SYT9: variants seen among roughly 807,000 people sequenced by gnomAD.
SYT9 encodes the protein synaptotagmin 9.
Under a neutral mutation model 48.4 loss-of-function variants are expected in SYT9, and 22 were observed. That is an observed-to-expected ratio of 0.45 (90% confidence interval 0.32 to 0.65). The LOEUF is 0.65. Ranked by LOEUF, SYT9 falls within the 30% of genes least tolerant of loss-of-function variation. The probability of loss-of-function intolerance (pLI) is 0.03; values close to 1 mark genes in which losing one functional copy is unlikely to be tolerated. For synonymous variants in SYT9, 265 were observed against 245.0 expected (o/e 1.08, Z -0.76); for missense variants, 577 against 622.0 (o/e 0.93, Z 0.77).
intron 3 of SYT9, among the ~76,000 whole-genome samples, chr11:7,401,830 T>C (rs11041355): frequency 0.19 from 28,618 of 151,634 alleles, 3,935 homozygotes; most frequent in African/African-American, 0.39. Context: ...CTAGTTCTTT[T>C]ATGTTTTATT....
intron 3 of SYT9, among the ~76,000 whole-genome samples, chr11:7,324,246 T>C (rs1215704943): frequency 6.6e-6 from 1 of 151,902 alleles, no homozygotes; most frequent in Non-Finnish European, 1.5e-5. Flanking sequence ...ATTTCTGCCT[T>C]ATTTCTGGTT....
chr11:7,350,336 A>T (rs989840347), intron 3 of SYT9, among the ~76,000 whole-genome samples: 2 of 152,150 alleles, frequency 1.3e-5, no homozygotes, highest in Admixed American at 6.6e-5. Flanking sequence ...TTCAGGCTTG[A>T]GCTATTTGGG....
chr11:7,244,342 C>A (rs1037489164), intron 1 of SYT9, among the ~76,000 whole-genome samples: 1 of 152,134 alleles, frequency 6.6e-6, no homozygotes, highest in Non-Finnish European at 1.5e-5. Flanking sequence ...AATGGTGCAA[C>A]GATAACACAC....
intron 6 of SYT9, among the ~76,000 whole-genome samples, chr11:7,465,243 CCA>C (rs1361527204): frequency 5.3e-5 from 8 of 152,214 alleles, no homozygotes; most frequent in African/African-American, 1.7e-4. Flanking sequence ...GTGTGTGTGC[CCA>C]CACACATGCA....
At chr11:7,274,317 CTTTTTTT>C (rs576480483) in intron 1 of SYT9, among the ~76,000 whole-genome samples, 3 of 125,074 alleles carry the variant, frequency 2.4e-5, no homozygotes, top group Non-Finnish European at 3.3e-5. Context: ...TGAAGTTCAT[CTTTTTTT>C]TTTTTTTTTT....
intron 1 of SYT9, among the ~76,000 whole-genome samples, chr11:7,239,987 T>G (rs1023083715): frequency 6.6e-6 from 1 of 152,066 alleles, no homozygotes; most frequent in African/African-American, 2.4e-5. Flanking sequence ...CATCAGCATA[T>G]AGAAGGAATT....
intron 6 of SYT9, chr11:7,427,749 AT>A (rs1327562206): frequency 6.6e-6 from 1 of 152,230 alleles, no homozygotes; most frequent in Non-Finnish European, 1.5e-5. Flanking sequence ...AAAATAAACT[AT>A]TTTGAATGGT....
At chr11:7,250,290 G>A (rs1158728323), upstream of SYT9, among the ~76,000 whole-genome samples, 1 of 152,062 alleles carries the variant, frequency 6.6e-6, no homozygotes, top group African/African-American at 2.4e-5. Context: ...AATGCCTTTG[G>A]CCTGGTTTAG....
At chr11:7,273,330 C>T (rs67694935) in intron 1 of SYT9, among the ~76,000 whole-genome samples, 257 of 17,964 alleles carry the variant, frequency 0.014, 1 homozygote, top group East Asian at 0.036. Context: ...AGGTTTTTTT[C>T]TTTTGTTAGT....
intron 1 of SYT9, among the ~76,000 whole-genome samples, chr11:7,293,381 C>T (rs553405844): frequency 6.6e-6 from 1 of 152,160 alleles, no homozygotes; most frequent in Admixed American, 6.6e-5. Flanking sequence ...GTTTACCTGG[C>T]TCAGTGTCTT....
chr11:7,245,739 C>T (rs1847783994), intron 1 of SYT9, among the ~76,000 whole-genome samples: 1 of 152,206 alleles, frequency 6.6e-6, no homozygotes, highest in African/African-American at 2.4e-5. Flanking sequence ...GGGGGCCAAA[C>T]TCACCCTTTT....
intron 3 of SYT9, among the ~76,000 whole-genome samples, chr11:7,396,970 A>G (rs1028760621): frequency 2.0e-5 from 3 of 152,082 alleles, no homozygotes; most frequent in Non-Finnish European, 1.5e-5. Context: ...TTTCCACAAT[A>G]TGTTTTGAAG....
At chr11:7,366,189 C>G (rs1458757422) in intron 3 of SYT9, among the ~76,000 whole-genome samples, 1 of 152,222 alleles carries the variant, frequency 6.6e-6, no homozygotes, top group Non-Finnish European at 1.5e-5. Context: ...TCTCTAAGCT[C>G]TGACATACCT....
intron 1 of SYT9, among the ~76,000 whole-genome samples, chr11:7,287,027 C>G (rs937118796): frequency 6.6e-6 from 1 of 152,222 alleles, no homozygotes; most frequent in Non-Finnish European, 1.5e-5. Context: ...CAGCACCTCA[C>G]TCTCTGCGGT....
chr11:7,418,261 G>C, intron 5 of SYT9, 133 bp downstream of exon 5: 1 of 951,364 alleles, frequency 1.1e-6, no homozygotes, highest in Non-Finnish European at 1.6e-6. Flanking sequence ...GCAGTGCATG[G>C]GAAGCACATT....
At chr11:7,351,354 C>A (rs1358697461) in intron 3 of SYT9, among the ~76,000 whole-genome samples, 3 of 152,204 alleles carry the variant, frequency 2.0e-5, no homozygotes, top group African/African-American at 7.2e-5. Context: ...ACAGTCAGTG[C>A]AAGAGGGCCC....
At chr11:7,243,471 C>T (rs1078089) in intron 1 of SYT9, among the ~76,000 whole-genome samples, 5 of 152,052 alleles carry the variant, frequency 3.3e-5, no homozygotes, top group African/African-American at 9.6e-5. Flanking sequence ...TCTTTCTCCC[C>T]CTTCTGCCTC....
Position 7,468,927 on chromosome 11 carries a change from G to A in SYT9, c.*2127G>A, listed in dbSNP as rs1350224760. 6.6e-6 allele frequency: 1 copy of A among 152,200 alleles called. No homozygotes were observed. The highest frequency in any genetic ancestry group is 1.5e-5 in the Non-Finnish European group (1 of 68,048). 9.4% of individuals were successfully genotyped at this position (152,200 alleles called of 1,614,324 possible). On this transcript the variant is annotated 3_prime_UTR_variant, in exon 7 of 7. Transcript: ENST00000318881. Reference sequence around the variant, plus strand: ...AGCTTTGCCTAGCCAGTACAGCTGTGAGCAGAGGCTGGTTATAAATTTGAA... The same window carrying A: ...AGCTTTGCCTAGCCAGTACAGCTGTAAGCAGAGGCTGGTTATAAATTTGAA...
intron 3 of SYT9, among the ~76,000 whole-genome samples, chr11:7,373,770 G>C (rs796193057): frequency 1.3e-5 from 2 of 152,216 alleles, no homozygotes; most frequent in South Asian, 4.2e-4. Flanking sequence ...GAAGCACCTG[G>C]AGGGTGGGAA....
Sources: allele counts gnomAD v4.1 joint callset (sites outside exome capture counted in the v4.1 genomes callset), GRCh38; gene constraint gnomAD v4.1.1; transcripts MANE v1.5; gene names NCBI Gene and HGNC (gene_info 2026-07-23, HGNC 2026-07-21).